The following FAM227B variants were observed in gnomAD, a reference collection of about 807,000 sequenced individuals.
FAM227B encodes the protein protein FAM227B.
In FAM227B, 88 loss-of-function variants were observed where a neutral mutation model predicts 73.8. The ratio of observed to expected loss-of-function variants is 1.19; its 90% CI spans 1.00 to 1.42. FAM227B has a LOEUF of 1.42. FAM227B is among the 40% of genes most tolerant of loss of function. The pLI is 0.00. For missense variants in FAM227B, 632 were observed against 590.9 expected (o/e 1.07, Z -0.72); for synonymous variants, 210 against 190.5 (o/e 1.10, Z -0.84).
intron 11 of FAM227B, among the ~76,000 whole-genome samples, chr15:49,477,925 A>G: frequency 6.6e-6 from 1 of 152,122 alleles, no homozygotes; most frequent in South Asian, 2.1e-4. Context: ...CTTTTTAAAT[A>G]ATTTCAACTT....
chr15:49,401,694 C>T (rs2151634523), intron 11 of FAM227B, among the ~76,000 whole-genome samples: 1 of 133,050 alleles, frequency 7.5e-6, no homozygotes, highest in African/African-American at 2.7e-5. Context: ...AGTTCATGTC[C>T]TTTGTAGGGA....
intron 9 of FAM227B, among the ~76,000 whole-genome samples, chr15:49,550,213 C>A (rs1431133717): frequency 2.0e-5 from 3 of 148,268 alleles, no homozygotes; most frequent in Non-Finnish European, 3.0e-5. Flanking sequence ...GGGGGCTGAC[C>A]CCCCCACCTC....
At chr15:49,583,198 TTTG>T (rs2075923345) in intron 5 of FAM227B, among the ~76,000 whole-genome samples, 1 of 147,212 alleles carries the variant, frequency 6.8e-6, no homozygotes, top group Admixed American at 6.7e-5. Context: ...AACTCCCGTA[TTTG>T]TTTTTTTTTT....
chr15:49,547,616 C>G (rs2072128864), intron 9 of FAM227B, among the ~76,000 whole-genome samples: 2 of 152,114 alleles, frequency 1.3e-5, no homozygotes, highest in African/African-American at 4.8e-5. Context: ...CAAAAAAAGG[C>G]AGGGGTTGCA....
At chr15:49,365,909 T>G in intron 13 of FAM227B, 1 of 965,062 alleles carries the variant, frequency 1.0e-6, no homozygotes, top group East Asian at 2.4e-5. Context: ...TTGTACAGAC[T>G]CATTGCTGAT....
intron 3 of FAM227B, 90 bp from the exon 4 acceptor site, chr15:49,590,097 A>G (rs1350395153): frequency 1.4e-6 from 1 of 700,554 alleles, no homozygotes; most frequent in African/African-American, 1.8e-5. Context: ...TATAATCGAG[A>G]TTTTATTCCA....
At chr15:49,415,180 A>C (rs2049128702) in intron 11 of FAM227B, among the ~76,000 whole-genome samples, 1 of 152,172 alleles carries the variant, frequency 6.6e-6, no homozygotes, top group African/African-American at 2.4e-5. Flanking sequence ...TAAAAGAAAA[A>C]TTGCTATTGC....
At chr15:49,520,758 C>T (rs2059723051) in intron 10 of FAM227B, among the ~76,000 whole-genome samples, 1 of 152,116 alleles carries the variant, frequency 6.6e-6, no homozygotes, top group South Asian at 2.1e-4. Context: ...CATCAAGTCC[C>T]TTCCATGACA....
At chr15:49,584,800 A>G (rs2076043536) in intron 5 of FAM227B, among the ~76,000 whole-genome samples, 1 of 152,098 alleles carries the variant, frequency 6.6e-6, no homozygotes, top group Admixed American at 6.6e-5. Context: ...ACTGCTTACC[A>G]GGGAGGTGAA....
chr15:49,529,011 A>G (rs530857461), intron 10 of FAM227B, among the ~76,000 whole-genome samples: 369 of 151,930 alleles, frequency 2.4e-3, no homozygotes, highest in African/African-American at 8.4e-3. Context: ...ATACAAAAAA[A>G]GACACCTGCA....
intron 3 of FAM227B, among the ~76,000 whole-genome samples, chr15:49,593,518 C>T (rs1336456927): frequency 6.6e-6 from 1 of 151,762 alleles, no homozygotes; most frequent in Non-Finnish European, 1.5e-5. Context: ...GTGGTGATTT[C>T]TGAGATTTTG....
At chr15:49,387,266 C>A (rs2046940204) in intron 11 of FAM227B, among the ~76,000 whole-genome samples, 1 of 151,662 alleles carries the variant, frequency 6.6e-6, no homozygotes, top group African/African-American at 2.4e-5. Flanking sequence ...CTAAACAAAT[C>A]CCACAGGATA....
intron 12 of FAM227B, among the ~76,000 whole-genome samples, chr15:49,368,122 T>C (rs914364903): frequency 2.0e-5 from 3 of 151,892 alleles, no homozygotes; most frequent in Non-Finnish European, 4.4e-5. Flanking sequence ...AATAACTAAC[T>C]TCTTATCATA....
chr15:49,551,251 C>T (rs992580678), intron 9 of FAM227B, among the ~76,000 whole-genome samples: 8 of 145,548 alleles, frequency 5.5e-5, no homozygotes, highest in Non-Finnish European at 1.0e-4. Flanking sequence ...AGCTTTGGCT[C>T]AGCATGAGGG....
chr15:49,354,690 A>C (rs1054431419), intron 13 of FAM227B, among the ~76,000 whole-genome samples: 6 of 152,370 alleles, frequency 3.9e-5, no homozygotes, highest in East Asian at 1.9e-4. Context: ...CCCAGGCTTG[A>C]TTAGGTAAAC....
chr15:49,466,815 T>C (rs1267691070), intron 11 of FAM227B, among the ~76,000 whole-genome samples: 1 of 152,218 alleles, frequency 6.6e-6, no homozygotes, highest in African/African-American at 2.4e-5. Flanking sequence ...ATTATCTTTT[T>C]AAGTAAACTC....
At chr15:49,455,597 G>A (rs943056832) in intron 11 of FAM227B, among the ~76,000 whole-genome samples, 10 of 152,196 alleles carry the variant, frequency 6.6e-5, no homozygotes, top group African/African-American at 2.2e-4. Context: ...TTTGGATTTA[G>A]ATAAAAGTCT....
At chr15:49,453,907 T>C (rs994424640) in intron 11 of FAM227B, among the ~76,000 whole-genome samples, 7 of 152,186 alleles carry the variant, frequency 4.6e-5, no homozygotes, top group African/African-American at 1.7e-4. Context: ...GTGGAAGCCT[T>C]GCATTCCTCC....
At chr15:49,619,518 A>G (rs995964867) in intron 1 of FAM227B, among the ~76,000 whole-genome samples, 30 of 152,200 alleles carry the variant, frequency 2.0e-4, no homozygotes, top group Admixed American at 1.6e-3. Flanking sequence ...AAGCTCTGCT[A>G]GCATGCCCAC....
Sources: gnomAD v4.1 joint callset for allele counts (sites outside exome capture counted in the v4.1 genomes callset) on GRCh38, gnomAD v4.1.1 for gene constraint, MANE v1.5 for transcripts, NCBI Gene and HGNC (gene_info 2026-07-23, HGNC 2026-07-21) for gene names.